Variants in HTR2C observed in about 807,000 individuals in gnomAD.
HTR2C encodes 5-hydroxytryptamine (serotonin) receptor 2C, G protein-coupled.
In HTR2C, 5 loss-of-function variants were observed where a neutral mutation model predicts 21.0. The ratio of observed to expected loss-of-function variants is 0.24; its 90% CI spans 0.12 to 0.50. The LOEUF is 0.50. HTR2C is among the 20% of genes least tolerant of loss of function. The pLI, the probability that HTR2C is intolerant of heterozygous loss-of-function variation, is 0.98. For missense variants in HTR2C, 271 were observed against 371.2 expected (o/e 0.73, Z 2.22); for synonymous variants, 150 against 145.3 (o/e 1.03, Z -0.23).
At chrX:114,658,654 T>A (rs1192040824) in intron 2 of HTR2C, among the ~76,000 whole-genome samples, 1 of 111,040 alleles carries the variant, frequency 9.0e-6, no homozygotes, top group Non-Finnish European at 1.9e-5. Flanking sequence ...AGTGGAAATA[T>A]CCACAACTCT....
intron 2 of HTR2C, among the ~76,000 whole-genome samples, chrX:114,632,816 A>C (rs1929685389): frequency 9.0e-6 from 1 of 110,622 alleles, no homozygotes; most frequent in South Asian, 3.8e-4. Flanking sequence ...AATTCTAATA[A>C]ATATTATTAT....
At chrX:114,616,559 T>C (rs1928956520) in intron 2 of HTR2C, among the ~76,000 whole-genome samples, 1 of 111,682 alleles carries the variant, frequency 9.0e-6, no homozygotes, top group Non-Finnish European at 1.9e-5. Context: ...ATTGTTGGAA[T>C]TACAGGCATA....
At chrX:114,829,177 G>T (rs2070700602) in intron 4 of HTR2C, among the ~76,000 whole-genome samples, 1 of 111,520 alleles carries the variant, frequency 9.0e-6, no homozygotes, top group Admixed American at 9.5e-5. Context: ...AATGTATGAG[G>T]TTTCCAATTT....
chrX:114,782,676 C>A (rs1343744131), intron 4 of HTR2C, among the ~76,000 whole-genome samples: 1 of 109,895 alleles, frequency 9.1e-6, no homozygotes, highest in Non-Finnish European at 1.9e-5. Flanking sequence ...TGTGATTGCA[C>A]CAACGCACTC....
At chrX:114,664,253 G>C (rs1931095844) in intron 2 of HTR2C, among the ~76,000 whole-genome samples, 1 of 111,521 alleles carries the variant, frequency 9.0e-6, no homozygotes, top group Admixed American at 9.5e-5. Flanking sequence ...ACATGTGCAG[G>C]ATTTGCAAGT....
intron 2 of HTR2C, among the ~76,000 whole-genome samples, chrX:114,654,805 A>G (rs1930724184): frequency 9.0e-6 from 1 of 110,727 alleles, no homozygotes; most frequent in Non-Finnish European, 1.9e-5. Context: ...GAACCCAGCT[A>G]GAAGGTAGAG....
chrX:114,831,623 G>C (rs1289276905), intron 4 of HTR2C, among the ~76,000 whole-genome samples: 1 of 105,768 alleles, frequency 9.5e-6, no homozygotes, highest in Non-Finnish European at 1.9e-5. Flanking sequence ...AGTAGGTTGC[G>C]AAAATTTTCT....
At chrX:114,816,107 G>A (rs782703195) in intron 4 of HTR2C, among the ~76,000 whole-genome samples, 2 of 110,862 alleles carry the variant, frequency 1.8e-5, no homozygotes, top group Non-Finnish European at 3.8e-5. Context: ...TTACAATGAT[G>A]TACTGAAATT....
At chrX:114,604,539 C>T (rs1216963332) in intron 1 of HTR2C, among the ~76,000 whole-genome samples, 4 of 109,773 alleles carry the variant, frequency 3.6e-5, no homozygotes, top group Admixed American at 9.7e-5. Context: ...AGGGGGCTTC[C>T]GAGGCGATCG....
intron 3 of HTR2C, 80 bp downstream of exon 3, chrX:114,727,051 C>G (rs886779209): frequency 7.1e-6 from 4 of 566,255 alleles, no homozygotes; most frequent in Middle Eastern, 3.9e-4. Flanking sequence ...AAAAATGCTT[C>G]TATATGATCA....
intron 2 of HTR2C, among the ~76,000 whole-genome samples, chrX:114,654,851 G>A (rs1257642667): frequency 9.1e-6 from 1 of 110,484 alleles, no homozygotes; most frequent in African/African-American, 3.3e-5. Flanking sequence ...AGGAGGTGAT[G>A]TCAGTATTGT....
intron 4 of HTR2C, among the ~76,000 whole-genome samples, chrX:114,745,098 T>C (rs1416057975): frequency 1.8e-5 from 2 of 111,883 alleles, no homozygotes; most frequent in African/African-American, 6.5e-5. Flanking sequence ...AGCCAGAATA[T>C]ATAAGGAGCT....
intron 4 of HTR2C, among the ~76,000 whole-genome samples, chrX:114,824,609 G>C (rs1413490921): frequency 9.0e-6 from 1 of 111,364 alleles, no homozygotes; most frequent in African/African-American, 3.3e-5. Context: ...TTTAAATTAG[G>C]GTCAAGTTAA....
intron 2 of HTR2C, among the ~76,000 whole-genome samples, chrX:114,635,460 A>G (rs1012708120): frequency 1.8e-5 from 2 of 112,182 alleles, no homozygotes; most frequent in African/African-American, 3.2e-5. Flanking sequence ...GACTGAATAT[A>G]AAGAAGAGTA....
intron 4 of HTR2C, chrX:114,775,187 C>T: frequency 1.9e-6 from 1 of 521,999 alleles, no homozygotes; most frequent in South Asian, 2.3e-5. Flanking sequence ...CTCTTATCTT[C>T]AGCTTTGTAC....
At chrX:114,780,174 G>T (rs2070102759) in intron 4 of HTR2C, among the ~76,000 whole-genome samples, 1 of 111,579 alleles carries the variant, frequency 9.0e-6, no homozygotes, top group South Asian at 3.8e-4. Flanking sequence ...GTTATTTTAT[G>T]TAAGGGACTA....
chrX:114,660,662 C>T (rs1930950517), intron 2 of HTR2C, among the ~76,000 whole-genome samples: 2 of 112,187 alleles, frequency 1.8e-5, no homozygotes. Context: ...TTATTTTAAA[C>T]TTAACCTTTA....
intron 5 of HTR2C, among the ~76,000 whole-genome samples, chrX:114,878,257 C>T (rs1463575592): frequency 9.1e-6 from 1 of 110,432 alleles, no homozygotes; most frequent in Non-Finnish European, 1.9e-5. Context: ...TTTAGACTTA[C>T]TTAGAGTTAT....
At chrX:114,637,606 G>A (rs781993903) in intron 2 of HTR2C, among the ~76,000 whole-genome samples, 1 of 111,595 alleles carries the variant, frequency 9.0e-6, no homozygotes, top group African/African-American at 3.3e-5. Context: ...ATGTGTGTCG[G>A]TATGTGTTAG....
Sources: gnomAD v4.1 joint callset for allele counts (sites outside exome capture counted in the v4.1 genomes callset) on GRCh38, gnomAD v4.1.1 for gene constraint, MANE v1.5 for transcripts, NCBI Gene and HGNC (gene_info 2026-07-23, HGNC 2026-07-21) for gene names.